CCDC92: variants seen among roughly 807,000 people sequenced by gnomAD.
CCDC92 encodes the protein coiled-coil domain containing 92.
CCDC92 carries 12 observed loss-of-function variants against 24.9 expected under a neutral mutation model. The ratio of observed to expected loss-of-function variants is 0.48; its 90% CI spans 0.31 to 0.78. The LOEUF is 0.78. Among genes scored for constraint, CCDC92 ranks in the 30% least tolerant of loss-of-function variants. CCDC92 has a pLI of 0.05. For synonymous variants in CCDC92, 193 were observed against 196.3 expected (o/e 0.98, Z 0.14); for missense variants, 399 against 439.4 (o/e 0.91, Z 0.82).
intron 1 of CCDC92, among the ~76,000 whole-genome samples, chr12:123,963,985 T>C (rs898763768): frequency 1.3e-5 from 2 of 152,222 alleles, no homozygotes; most frequent in Non-Finnish European, 2.9e-5. Flanking sequence ...ACTAGCACTT[T>C]AAGAAAGCTT....
chr12:123,972,436 C>G (rs1169816170), intron 1 of CCDC92, 93 bp downstream of exon 1: 1 of 151,454 alleles, frequency 6.6e-6, no homozygotes, highest in Non-Finnish European at 1.5e-5. Context: ...CCCGTCCCTG[C>G]CCGGCCCCTC....
intron 1 of CCDC92, among the ~76,000 whole-genome samples, chr12:123,970,834 A>G (rs183545436): frequency 2.6e-5 from 4 of 152,354 alleles, no homozygotes; most frequent in East Asian, 3.9e-4. Flanking sequence ...TAACATAAGT[A>G]TTTTTTAAAA....
intron 4 of CCDC92, among the ~76,000 whole-genome samples, chr12:123,942,472 G>A (rs1955713484): frequency 6.6e-6 from 1 of 152,226 alleles, no homozygotes; most frequent in Admixed American, 6.5e-5. Flanking sequence ...CATGTTCATT[G>A]TAGGAAAATC....
intron 1 of CCDC92, among the ~76,000 whole-genome samples, chr12:123,961,869 T>C (rs1446972813): frequency 6.6e-6 from 1 of 152,176 alleles, no homozygotes; most frequent in African/African-American, 2.4e-5. Flanking sequence ...AAGTCACACC[T>C]AGTAAGTGGC....
chr12:123,953,560 C>T (rs548053692), intron 1 of CCDC92, among the ~76,000 whole-genome samples: 18 of 152,252 alleles, frequency 1.2e-4, no homozygotes, highest in Non-Finnish European at 2.1e-4. Flanking sequence ...TGGTAGATCA[C>T]GAGGTCAGGA....
Position 123,937,834 on chromosome 12 carries a change from C to G in CCDC92, c.224-4G>C, listed in dbSNP as rs767039955. On this transcript the variant is annotated splice_region_variant and splice_polypyrimidine_tract_variant and intron_variant, in intron 4 of 4. Coordinates refer to ENST00000238156, the MANE Select transcript of CCDC92 (RefSeq NM_025140.3). The surrounding 1 kb of genome is among the most constrained non-coding windows in gnomAD (Gnocchi z 8.4). The stretch of plus-strand genomic sequence containing the variant: ...CTGCTTTTAGAAGTCCCGTCTCCTA[C>G]AAGAATAAGCCGAGGAAGCAGGTGA... 2 of 1,598,772 alleles carry G rather than the reference C, an allele frequency of 1.3e-6. No individual in the cohort carries two copies. Among genetic ancestry groups the G allele is most frequent in the Admixed American group, 1.7e-5 (1 of 58,868 alleles).
chr12:123,943,165 G>A (rs1308326502), intron 3 of CCDC92, among the ~76,000 whole-genome samples, 182 bp downstream of exon 3: 2 of 152,240 alleles, frequency 1.3e-5, no homozygotes, highest in Non-Finnish European at 2.9e-5. Flanking sequence ...GCCAAGAAAA[G>A]GCTTTGCAGC....
At chr12:123,969,331 A>G (rs993146202) in intron 1 of CCDC92, among the ~76,000 whole-genome samples, 17 of 152,184 alleles carry the variant, frequency 1.1e-4, no homozygotes, top group African/African-American at 3.1e-4. Context: ...AAAACATCCA[A>G]TGCAACTTAA....
chr12:123,943,912 G>A (rs1026708217), intron 2 of CCDC92: 10 of 449,608 alleles, frequency 2.2e-5, no homozygotes, highest in African/African-American at 1.4e-4. Flanking sequence ...TCCTCTCCAC[G>A]CACCACCTCA....
At position 123,937,472 on chromosome 12, in the gene CCDC92, G is replaced by T; in HGVS notation, c.582C>A (p.Pro194=). The change falls in exon 5 of 5, where the codon CCC becomes CCA. Residue 194 remains proline, a synonymous_variant. Transcript: ENST00000238156. This position sits in a 1 kb window ranked among gnomAD's most constrained non-coding sequence, Gnocchi z 8.4. ...GAGGCGTTTCGGGTAGCTTGTCTTT[G>T]GGGGGCGCTGGCTTGTAGCTGGCCA... ...PVLASYKPAP[P]KDKLPETPRR... 6.2e-7 allele frequency: 1 copy of T among 1,613,074 alleles called. No individual in the cohort carries two copies.
In CCDC92 at chr12:123,943,342, T is replaced by C; in HGVS notation, c.181+5A>G. 2 of 1,612,296 alleles carry C rather than the reference T, an allele frequency of 1.2e-6. No homozygotes were observed. The highest frequency in any genetic ancestry group is 1.7e-6 in the Non-Finnish European group (2 of 1,179,926). ...CCGCCTGCCCGGGCCTGCTCCCCGA[T>C]GTACCTGTGCAGTGCTGCTGCAGCC... On this transcript the variant is annotated splice_donor_5th_base_variant and intron_variant, in intron 3 of 4. Transcript: ENST00000238156.
intron 1 of CCDC92, chr12:123,971,672 T>A (rs1488840424): frequency 2.0e-5 from 3 of 152,258 alleles, no homozygotes; most frequent in Non-Finnish European, 4.4e-5. Context: ...TAGATCGTAC[T>A]GCTAAATACC....
At chr12:123,956,640 A>T (rs1242487954) in intron 1 of CCDC92, among the ~76,000 whole-genome samples, 2 of 152,244 alleles carry the variant, frequency 1.3e-5, no homozygotes, top group Non-Finnish European at 2.9e-5. Context: ...CTATCCATTA[A>T]GAATGTCTGT....
chr12:123,960,124 C>G (rs907736567), intron 1 of CCDC92, among the ~76,000 whole-genome samples: 16 of 152,204 alleles, frequency 1.1e-4, no homozygotes, highest in Non-Finnish European at 1.9e-4. Flanking sequence ...TCCAGGAGAA[C>G]AAGGACTTTT....
intron 1 of CCDC92, among the ~76,000 whole-genome samples, chr12:123,947,700 C>T (rs895059777): frequency 2.0e-5 from 3 of 152,278 alleles, no homozygotes; most frequent in African/African-American, 7.2e-5. Context: ...CCAATCAGCA[C>T]CCTGTCAAAA....
chr12:123,953,976 CAAAT>C (rs749942487), intron 1 of CCDC92, among the ~76,000 whole-genome samples: 3 of 152,192 alleles, frequency 2.0e-5, no homozygotes, highest in Non-Finnish European at 4.4e-5. Context: ...AACAAACAAA[CAAAT>C]AAACATTTGT....
intron 4 of CCDC92, among the ~76,000 whole-genome samples, chr12:123,942,029 C>T (rs1401584960): frequency 3.3e-5 from 5 of 152,248 alleles, no homozygotes; most frequent in South Asian, 2.1e-4. Flanking sequence ...GCCTTCCCGA[C>T]GTGATAAACC....
chr12:123,942,885 T>C (rs1955730312), intron 3 of CCDC92, 100 bp from the exon 4 acceptor site: 1 of 941,856 alleles, frequency 1.1e-6, no homozygotes, highest in Admixed American at 1.7e-5. Flanking sequence ...AGCCAGCGAG[T>C]CCTACCCAGA....
At chr12:123,965,177 CTAAA>C (rs1183386668) in intron 1 of CCDC92, among the ~76,000 whole-genome samples, 2 of 152,066 alleles carry the variant, frequency 1.3e-5, no homozygotes, top group Non-Finnish European at 2.9e-5. Flanking sequence ...TTTTAAATCG[CTAAA>C]TATATTGCCA....
Sources: gnomAD v4.1 joint callset for allele counts (sites outside exome capture counted in the v4.1 genomes callset) on GRCh38, gnomAD v4.1.1 for gene constraint, Gnocchi (gnomAD v3.1) non-coding constraint, MANE v1.5 for transcripts, NCBI Gene and HGNC (gene_info 2026-07-23, HGNC 2026-07-21) for gene names.